Variants in SPTBN4 observed in about 807,000 individuals in gnomAD.
The protein encoded by SPTBN4 is spectrin beta, non-erythrocytic 4, also known as spectrin beta chain, non-erythrocytic 4.
A neutral mutation model predicts 277.8 loss-of-function variants in SPTBN4; 96 were observed. That is an observed-to-expected ratio of 0.35 (90% CI 0.29 to 0.41). The LOEUF (loss-of-function observed/expected upper bound fraction) is 0.41. Among genes scored for constraint, SPTBN4 ranks in the 10% least tolerant of loss-of-function variants. SPTBN4 has a pLI of 1.00. For missense variants in SPTBN4, 3,006 were observed against 3,595.7 expected (o/e 0.84, Z 4.19); for synonymous variants, 1,481 against 1,580.3 (o/e 0.94, Z 1.49).
rs771308629 is a variant in SPTBN4, at chr19:40,502,136, C to T, written c.906C>T (p.Asp302=). ...TTCCTCTGCTGTGTCAGGTCTTGGACCAGGTATTGGAGGTGGGGAAGATCA... is the reference window on the plus strand; with the variant it reads ...TTCCTCTGCTGTGTCAGGTCTTGGATCAGGTATTGGAGGTGGGGAAGATCA... ...VEGKRIGKVL[D]QVLEVGKIIE... The change falls in exon 9 of 36, where the codon GAC becomes GAT. Residue 302 remains aspartate (D), a synonymous_variant. Transcript: ENST00000598249. This position sits in a 1 kb window ranked among gnomAD's most constrained non-coding sequence, Gnocchi z 4.9. 2 of 1,613,622 alleles carry T rather than the reference C, an allele frequency of 1.2e-6. No homozygotes were observed. The highest frequency in any genetic ancestry group is 1.7e-6 in the Non-Finnish European group (2 of 1,179,792).
At chr19:40,524,512 C>CAAAA in intron 17 of SPTBN4, 3 of 375,558 alleles carry the variant, frequency 8.0e-6, no homozygotes, top group Non-Finnish European at 5.4e-6. Context: ...GTCCCCCCTC[C>CAAAA]AAAAAAAAAA....
Position 40,572,001 on chromosome 19 carries a change from C to A in SPTBN4, c.7320-18C>A. 3 of 1,528,628 alleles carry A rather than the reference C, an allele frequency of 2.0e-6. No homozygotes were observed. The highest frequency in any genetic ancestry group is 2.6e-6 in the Non-Finnish European group (3 of 1,137,440). The allele number at this position is 1,528,628 out of a possible 1,614,324, so 94.7% of individuals were successfully genotyped here. A position where few individuals can be genotyped will look rare whatever the true frequency, so the allele number is the denominator to read the frequency against. On this transcript the variant is annotated intron_variant, in intron 33 of 35. Coordinates refer to ENST00000598249, the MANE Select transcript of SPTBN4 (RefSeq NM_020971.3). ...AGAGTGCTGCGGCTCTGCCTTGAGC[C>A]CCATCTTGTCGCTCCAGGTCGTGGG...
At chr19:40,571,868 G>A (rs2081158392) in intron 33 of SPTBN4, 151 bp from the exon 34 acceptor site, 2 of 825,480 alleles carry the variant, frequency 2.4e-6, no homozygotes, top group East Asian at 2.7e-5. Context: ...CAGCCTTAAG[G>A]AAGAGCATTT....
intron 33 of SPTBN4, chr19:40,570,972 A>T (rs923483646): frequency 4.8e-4 from 205 of 428,948 alleles, no homozygotes; most frequent in Non-Finnish European, 7.5e-4. Flanking sequence ...GGGCCAGATG[A>T]GGGGTGGGGC....
intron 24 of SPTBN4, among the ~76,000 whole-genome samples, chr19:40,555,537 G>C (rs1195601616): frequency 6.6e-6 from 1 of 151,528 alleles, no homozygotes; most frequent in Non-Finnish European, 1.5e-5. Flanking sequence ...AGGAAACTGG[G>C]TGAGGCTGGA....
Position 40,567,780 on chromosome 19 carries a change from G to T in SPTBN4, c.6454G>T (p.Gly2152Cys), listed in dbSNP as rs1416310324. Residue 2152 changes from glycine (G) to cysteine (C), a missense_variant, in exon 31 of 36, where the codon GGC (glycine) becomes TGC (cysteine). Physicochemically the swap from Gly to Cys is radical, Grantham distance 159 (BLOSUM62 -3). Around this residue, in one of 5 missense-constraint regions of SPTBN4, gnomAD observed 630 missense variants for 677.6 expected, o/e 0.93. Transcript: ENST00000598249. ...AKAAPLLRPG[G>C]YERGLEPLAR... ...GGCGGCGCCCCTGCTGCGGCCAGGG[G>T]GCTATGAAAGGGGCTTGGAGCCCCT... is the stretch of plus-strand genomic sequence containing the variant. 2 of 1,523,866 alleles carry T rather than the reference G, an allele frequency of 1.3e-6. No individual in the cohort carries two copies. Among genetic ancestry groups the T allele is most frequent in the African/African-American group, 2.9e-5 (2 of 69,894 alleles). The allele number at this position is 1,523,866 out of a possible 1,614,324, so 94.4% of individuals were successfully genotyped here.
At chr19:40,505,937 C>T (rs945620934) in intron 12 of SPTBN4, among the ~76,000 whole-genome samples, 21 of 152,130 alleles carry the variant, frequency 1.4e-4, no homozygotes, top group Admixed American at 1.2e-3. Context: ...GTGGAGTCCA[C>T]GAGAGATGGA....
At chr19:40,474,964 G>A (rs545229360) in intron 2 of SPTBN4, among the ~76,000 whole-genome samples, 2 of 151,956 alleles carry the variant, frequency 1.3e-5, no homozygotes, top group Admixed American at 1.3e-4. Context: ...GGAACTCCTG[G>A]GCTAAAATAA....
intron 16 of SPTBN4, among the ~76,000 whole-genome samples, chr19:40,521,497 C>T (rs1354293974): frequency 6.6e-6 from 1 of 152,108 alleles, no homozygotes; most frequent in Non-Finnish European, 1.5e-5. Context: ...GACAGATCAT[C>T]GGGCATTAGA....
At chr19:40,480,207 A>G (rs1406239623) in intron 2 of SPTBN4, among the ~76,000 whole-genome samples, 2 of 150,294 alleles carry the variant, frequency 1.3e-5, no homozygotes, top group Non-Finnish European at 3.0e-5. Context: ...GCGGAGATCA[A>G]GCCACTGCAC....
intron 35 of SPTBN4, among the ~76,000 whole-genome samples, chr19:40,572,882 C>T (rs1217364854): frequency 6.6e-6 from 1 of 152,124 alleles, no homozygotes; most frequent in Non-Finnish European, 1.5e-5. Context: ...TCGTTTGAAC[C>T]TGGAAGGCGG....
chr19:40,555,290 GAGA>G (rs2080964451), intron 24 of SPTBN4: 1 of 152,144 alleles, frequency 6.6e-6, no homozygotes, highest in Non-Finnish European at 1.5e-5. Flanking sequence ...TCAGGAGTTG[GAGA>G]CCAGCTTGGC....
intron 26 of SPTBN4, among the ~76,000 whole-genome samples, chr19:40,557,630 C>G (rs543002867): frequency 6.6e-6 from 1 of 152,260 alleles, no homozygotes; most frequent in Admixed American, 6.5e-5. Flanking sequence ...CTTAGAAGGT[C>G]TCACAGATAT....
At chr19:40,550,361 C>T (rs779742586) in intron 22 of SPTBN4, 34 bp downstream of exon 22, 1 of 1,586,124 alleles carries the variant, frequency 6.3e-7, no homozygotes, top group Non-Finnish European at 8.6e-7. Flanking sequence ...CGAGTTAGGA[C>T]ATTTGGATAC....
chr19:40,492,032 AAAAC>A (rs1283206169), intron 4 of SPTBN4, among the ~76,000 whole-genome samples: 1 of 138,558 alleles, frequency 7.2e-6, no homozygotes, highest in African/African-American at 3.1e-5. Flanking sequence ...AAAAAAAACA[AAAAC>A]AAAACAAAAA....
intron 1 of SPTBN4, among the ~76,000 whole-genome samples, chr19:40,470,368 C>T (rs990039733): frequency 1.3e-5 from 2 of 151,902 alleles, no homozygotes; most frequent in Admixed American, 6.6e-5. Flanking sequence ...TGCAGTGGTG[C>T]CATCTTGGCT....
At chr19:40,488,989 T>A (rs914657232) in intron 3 of SPTBN4, among the ~76,000 whole-genome samples, 9 of 151,418 alleles carry the variant, frequency 5.9e-5, no homozygotes, top group African/African-American at 2.2e-4. Context: ...AATAAATAAA[T>A]AACCCAAGCG....
chr19:40,528,573 T>A (rs1051861810), intron 17 of SPTBN4, among the ~76,000 whole-genome samples: 4 of 152,286 alleles, frequency 2.6e-5, no homozygotes, highest in Admixed American at 6.5e-5. Context: ...TCACTTTCCC[T>A]CTCTCTGCCT....
In SPTBN4 at chr19:40,506,279, C is replaced by G; in HGVS notation, c.1709C>G (p.Ala570Gly). ...SRECGQHLVE[A>G]DDLLQKHGLL... ...GAGTGTGGGCAGCACCTGGTGGAGG[C>G]AGACGACCTGTTGCAGAAGCATGGA... The change falls in exon 13 of 36, where the codon GCA (alanine) becomes GGA (glycine). Residue 570 changes from alanine (A) to glycine (G), a missense_variant. Around this residue, in one of 5 missense-constraint regions of SPTBN4, gnomAD observed 1,759 missense variants for 2,061.5 expected, o/e 0.85. Transcript: ENST00000598249. 1 of 1,613,940 alleles carries G rather than the reference C, an allele frequency of 6.2e-7. No homozygotes were observed. The highest frequency in any genetic ancestry group is 1.7e-4 in the Middle Eastern group (1 of 6,050).
Sources: allele counts gnomAD v4.1 joint callset (sites outside exome capture counted in the v4.1 genomes callset), GRCh38; gene constraint gnomAD v4.1.1; regional missense constraint gnomAD v4.1.1; non-coding constraint Gnocchi (gnomAD v3.1); transcripts MANE v1.5; gene names NCBI Gene and HGNC (gene_info 2026-07-23, HGNC 2026-07-21).